Variants in RIMS2 observed in about 807,000 individuals in gnomAD.
RIMS2 encodes the protein regulating synaptic membrane exocytosis 2.
RIMS2 carries 59 observed loss-of-function variants against 174.4 expected under a neutral mutation model. The observed-to-expected ratio is 0.34, with a 90% CI of 0.27 to 0.42. RIMS2 has a LOEUF of 0.42. Ranked by LOEUF, RIMS2 falls within the 10% of genes least tolerant of loss-of-function variation. The pLI is 1.00. For missense variants in RIMS2, 1,620 were observed against 1,666.3 expected (o/e 0.97, Z 0.48); for synonymous variants, 606 against 572.5 (o/e 1.06, Z -0.84).
At chr8:103,957,727 T>A (rs1047563480) in intron 14 of RIMS2, among the ~76,000 whole-genome samples, 1 of 151,972 alleles carries the variant, frequency 6.6e-6, no homozygotes, top group Non-Finnish European at 1.5e-5. Context: ...TGCACGTTGT[T>A]CACATGTACC....
intron 19 of RIMS2, among the ~76,000 whole-genome samples, chr8:104,048,407 A>G (rs1351462377): frequency 6.6e-6 from 1 of 152,152 alleles, no homozygotes; most frequent in Non-Finnish European, 1.5e-5. Context: ...CACCATGGTG[A>G]TGCCTGTATG....
At chr8:103,615,580 A>T (rs1414006888) in intron 1 of RIMS2, among the ~76,000 whole-genome samples, 1 of 152,198 alleles carries the variant, frequency 6.6e-6, no homozygotes, top group Non-Finnish European at 1.5e-5. Context: ...TCAAAAGATC[A>T]ACAAATTCAG....
At chr8:103,616,370 C>T (rs1364030364) in intron 1 of RIMS2, among the ~76,000 whole-genome samples, 1 of 152,102 alleles carries the variant, frequency 6.6e-6, no homozygotes, top group Non-Finnish European at 1.5e-5. Flanking sequence ...GAACATAGTT[C>T]AAAATAATAA....
chr8:104,233,511 GA>G (rs567966158), intron 19 of RIMS2, among the ~76,000 whole-genome samples: 1 of 152,196 alleles, frequency 6.6e-6, no homozygotes, highest in Non-Finnish European at 1.5e-5. Context: ...GGCAGAGATT[GA>G]CAGTAGAGTA....
At chr8:103,730,821 C>T (rs2097582827) in intron 2 of RIMS2, among the ~76,000 whole-genome samples, 1 of 151,942 alleles carries the variant, frequency 6.6e-6, no homozygotes, top group East Asian at 1.9e-4. Context: ...TGTATTTCTC[C>T]TTCATGTTTT....
chr8:103,627,534 A>G (rs1479451448), intron 1 of RIMS2, among the ~76,000 whole-genome samples: 1 of 152,248 alleles, frequency 6.6e-6, no homozygotes, highest in Non-Finnish European at 1.5e-5. Context: ...TTCACAATTT[A>G]TGTTCAGAGA....
intron 1 of RIMS2, among the ~76,000 whole-genome samples, chr8:103,630,875 A>G (rs576261254): frequency 1.3e-5 from 2 of 151,768 alleles, no homozygotes; most frequent in Non-Finnish European, 2.9e-5. Flanking sequence ...GAATTGAGCT[A>G]TTTTTTTTAT....
chr8:103,653,320 T>C (rs2096483824), intron 1 of RIMS2, among the ~76,000 whole-genome samples: 1 of 152,216 alleles, frequency 6.6e-6, no homozygotes, highest in Admixed American at 6.5e-5. Context: ...TGTTATTAGA[T>C]TTAAAAACAC....
rs535829922 is a variant in RIMS2 at position 103,570,320 on chromosome 8, T to C, written c.176+69258T>C. On this transcript the variant is annotated intron_variant, in intron 1 of 23. Coordinates refer to ENST00000504942, the Ensembl canonical transcript of RIMS2. ...TGGAAAAATAACACCAATTAAAAAA[T>C]AGAGTTAGAATTGAAAAAATTATGA... Among the ~76,000 whole-genome samples, 120 of 152,302 alleles carry C rather than the reference T, an allele frequency of 7.9e-4. 1 individual carries two copies. Among genetic ancestry groups the C allele is most frequent in the African/African-American group, 2.6e-3 (107 of 41,566 alleles).
chr8:103,767,288 A>G (rs1299712998), intron 3 of RIMS2, among the ~76,000 whole-genome samples: 1 of 151,684 alleles, frequency 6.6e-6, no homozygotes, highest in Non-Finnish European at 1.5e-5. Flanking sequence ...CCCAGGTTCA[A>G]GCGATTCCCC....
intron 3 of RIMS2, among the ~76,000 whole-genome samples, chr8:103,828,519 C>G (rs558297018): frequency 1.3e-5 from 2 of 152,144 alleles, no homozygotes; most frequent in African/African-American, 4.8e-5. Flanking sequence ...AATATTTTCT[C>G]CCATTCTGTA....
At position 104,176,317 on chromosome 8, in the gene RIMS2, T is replaced by A. The variant is rs1345196457; in HGVS notation, c.3335-68599T>A. ...ATAATTGGTAGATTCCCTAAGCATT[T>A]CCCTTTTGGTTGTAAAAACAAGCTG... On this transcript the variant is annotated intron_variant, in intron 19 of 23. Transcript: ENST00000504942. Among the ~76,000 whole-genome samples, 2 of 152,116 alleles carry A rather than the reference T, an allele frequency of 1.3e-5. 1 individual carries two copies. The highest frequency in any genetic ancestry group is 2.9e-5 in the Non-Finnish European group (2 of 68,014).
At chr8:103,563,932 T>C (rs987485210) in intron 1 of RIMS2, among the ~76,000 whole-genome samples, 14 of 152,162 alleles carry the variant, frequency 9.2e-5, no homozygotes, top group African/African-American at 3.1e-4. Context: ...TTATTCACTG[T>C]CATGAGAAAA....
At chr8:103,577,761 A>T (rs1490183816) in intron 1 of RIMS2, among the ~76,000 whole-genome samples, 2 of 152,198 alleles carry the variant, frequency 1.3e-5, no homozygotes, top group African/African-American at 4.8e-5. Context: ...AATTAAAATA[A>T]TTTTTAAAAG....
At chr8:104,025,776 A>G (rs2096243661) in intron 19 of RIMS2, among the ~76,000 whole-genome samples, 2 of 147,884 alleles carry the variant, frequency 1.4e-5, no homozygotes, top group African/African-American at 5.0e-5. Context: ...AACAGACTCC[A>G]TATACAACAA....
chr8:103,513,955 A>G (rs1449007909), intron 1 of RIMS2, among the ~76,000 whole-genome samples: 1 of 152,202 alleles, frequency 6.6e-6, no homozygotes, highest in Admixed American at 6.5e-5. Context: ...AAAGAGCGTT[A>G]CACATAAAAT....
chr8:103,942,084 C>T (rs920224774), intron 13 of RIMS2, among the ~76,000 whole-genome samples: 2 of 152,064 alleles, frequency 1.3e-5, no homozygotes, highest in African/African-American at 4.8e-5. Flanking sequence ...CAGATTATTT[C>T]ATTACCGAGG....
At chr8:103,813,580 T>G (rs2098701853) in intron 3 of RIMS2, among the ~76,000 whole-genome samples, 1 of 152,044 alleles carries the variant, frequency 6.6e-6, no homozygotes, top group Admixed American at 6.6e-5. Context: ...GGCCCCAGTG[T>G]GTGATGTTCC....
chr8:103,545,418 G>C (rs1458743500), intron 1 of RIMS2, among the ~76,000 whole-genome samples: 4 of 152,204 alleles, frequency 2.6e-5, no homozygotes, highest in Admixed American at 2.6e-4. Flanking sequence ...CCCTGAAAGA[G>C]AGGAAGAGAA....
Sources: allele counts gnomAD v4.1 joint callset (sites outside exome capture counted in the v4.1 genomes callset), GRCh38; gene constraint gnomAD v4.1.1; transcripts MANE v1.5; gene names NCBI Gene and HGNC (gene_info 2026-07-23, HGNC 2026-07-21).